The following PIGZ variants were observed in gnomAD, a reference collection of about 807,000 sequenced individuals.
PIGZ encodes phosphatidylinositol glycan anchor biosynthesis class Z (Gwada blood group).
PIGZ carries 16 observed loss-of-function variants against 16.4 expected under a neutral mutation model. The ratio of observed to expected loss-of-function variants is 0.97; its 90% CI spans 0.66 to 1.48. The LOEUF (loss-of-function observed/expected upper bound fraction) is 1.48, where lower values mean the gene tolerates loss of function less well. Among genes scored for constraint, PIGZ ranks in the 40% most tolerant of loss-of-function variants. The pLI is 0.00. For synonymous variants in PIGZ, 409 were observed against 338.4 expected (o/e 1.21, Z -2.29); for missense variants, 770 against 739.2 (o/e 1.04, Z -0.48).
chr3:196,947,274 T>G lies in PIGZ; in HGVS notation c.1623A>C (p.Glu541Asp), dbSNP rs755983849. The stretch of plus-strand genomic sequence containing the variant: ...GGGTCAGATGGGGAAATAAAAGTGT[T>G]TCATTCTTGAAGGGGAAGCTGCACT... ...VEKCSFPFKN[E>D]TLLFPHLTLE... The change falls in exon 3 of 3, where the codon GAA (glutamate) becomes GAC (aspartate). Residue 541 changes from glutamate to aspartate, a missense_variant. Glu to Asp is a conservative substitution (Grantham distance 45). Transcript: ENST00000412723. The G allele has an allele frequency of 6.2e-7, 1 of 1,614,020 alleles. No individual in the cohort carries two copies. The highest frequency in any genetic ancestry group is 8.5e-7 in the Non-Finnish European group (1 of 1,179,978).
intron 1 of PIGZ, among the ~76,000 whole-genome samples, chr3:196,954,812 A>G (rs1054932181): frequency 1.3e-5 from 2 of 152,222 alleles, no homozygotes; most frequent in African/African-American, 4.8e-5. Flanking sequence ...TTAATTTTTA[A>G]TGGTCATTTT....
intron 1 of PIGZ, among the ~76,000 whole-genome samples, chr3:196,959,310 C>G (rs748182695): frequency 3.3e-5 from 5 of 152,192 alleles, no homozygotes; most frequent in Non-Finnish European, 4.4e-5. Context: ...AGTTTTGTCT[C>G]TATAAGGGAT....
chr3:196,953,208 T>A (rs1166354873), intron 1 of PIGZ, among the ~76,000 whole-genome samples: 1 of 152,222 alleles, frequency 6.6e-6, no homozygotes, highest in Non-Finnish European at 1.5e-5. Flanking sequence ...GGTCTAAATA[T>A]GACATTTGCT....
At chr3:196,948,708 G>A (rs901263236) in intron 2 of PIGZ, 23 bp from the exon 3 acceptor site, 12 of 1,437,476 alleles carry the variant, frequency 8.3e-6, no homozygotes, top group Non-Finnish European at 1.1e-5. Context: ...GCAGAGGTGA[G>A]CCAGTACCAA....
At chr3:196,948,882 TTCCTTCC>T (rs1717087871) in intron 2 of PIGZ, among the ~76,000 whole-genome samples, 197 bp from the exon 3 acceptor site, 3 of 26,502 alleles carry the variant, frequency 1.1e-4, no homozygotes, top group South Asian at 1.1e-3. Context: ...CTTCCTTCCC[TTCCTTCC>T]CCTTCCTTCC....
chr3:196,948,728 T>G, intron 2 of PIGZ, 43 bp from the exon 3 acceptor site: 1 of 1,399,900 alleles, frequency 7.1e-7, no homozygotes, highest in South Asian at 1.6e-5. Flanking sequence ...AGCTCAGGGA[T>G]GTAGTGGGCA....
At position 196,946,909 on chromosome 3, in the gene PIGZ, C is replaced by T. The variant is rs952475227; in HGVS notation, c.*248G>A. The T allele has an allele frequency of 6.7e-5, 30 of 445,926 alleles. No homozygotes were observed. The highest frequency in any genetic ancestry group is 5.7e-4 in the Middle Eastern group (1 of 1,768). The allele number at this position is 445,926 out of a possible 1,614,324, so 27.6% of individuals were successfully genotyped here. On this transcript the variant is annotated 3_prime_UTR_variant, in exon 3 of 3. Coordinates refer to ENST00000412723, the MANE Select transcript of PIGZ (RefSeq NM_025163.4). ...CAACAGGGCAGGAACAGACAGGTGT[C>T]GTCACTTAACCTGGTCTTTGGGGAC...
At chr3:196,955,930 T>C (rs1306809878) in intron 1 of PIGZ, among the ~76,000 whole-genome samples, 2 of 152,124 alleles carry the variant, frequency 1.3e-5, no homozygotes, top group African/African-American at 4.8e-5. Flanking sequence ...TTTTGTGTTT[T>C]CTTGTCTTGT....
At position 196,948,322 on chromosome 3, in the gene PIGZ, A is replaced by G. The variant is rs1577879137; in HGVS notation, c.575T>C (p.Val192Ala). 1.9e-6 allele frequency: 3 copies of G among 1,614,122 alleles called. No homozygotes were observed. Among genetic ancestry groups the G allele is most frequent in the Non-Finnish European group, 2.5e-6 (3 of 1,180,018 alleles). Reference sequence around the variant, plus strand: ...AGGGCCCCACGTTACATGGGAGGATACCAGCACCAGCAGCCACGTGAAGAG... The same window carrying G: ...AGGGCCCCACGTTACATGGGAGGATGCCAGCACCAGCAGCCACGTGAAGAG... ...GLLFTWLLVL[V>A]SSHVTWGPTR... Residue 192 changes from valine (V) to alanine (A), a missense_variant, in exon 3 of 3, where the codon GTA becomes GCA. Transcript: ENST00000412723.
chr3:196,947,801 G>A lies in PIGZ; in HGVS notation c.1096C>T (p.Pro366Ser). ...ALGARSLLSS[P>S]RSYLLLLYFM... The stretch of plus-strand genomic sequence containing the variant: ...TAGAGGAGAAGGAGATAGGACCTGG[G>A]GCTGGACAGCAGGCTCCGGGCACCC... Residue 366 changes from proline (P) to serine (S), a missense_variant, in exon 3 of 3, where the codon CCC (proline) becomes TCC (serine). By Grantham distance (74) the Pro-to-Ser change is moderately conservative. Coordinates refer to ENST00000412723, the MANE Select transcript of PIGZ (RefSeq NM_025163.4). 1 of 1,608,454 alleles carries A rather than the reference G, an allele frequency of 6.2e-7. No homozygotes were observed. Among genetic ancestry groups the A allele is most frequent in the Non-Finnish European group, 8.5e-7 (1 of 1,176,440 alleles).
intron 2 of PIGZ, among the ~76,000 whole-genome samples, chr3:196,949,008 T>TCCC (rs1253214476): frequency 4.9e-5 from 1 of 20,254 alleles, no homozygotes. Context: ...TTACTTCTCT[T>TCCC]TCCCTCCCCT....
At position 196,956,357 on chromosome 3, in the gene PIGZ, G is replaced by A. The variant is rs1717487106; in HGVS notation, c.1-4326C>T. On this transcript the variant is annotated intron_variant, in intron 1 of 2. Coordinates refer to ENST00000412723, the MANE Select transcript of PIGZ (RefSeq NM_025163.4). ...CAAAGGCACGTCTTACATGGCAGCA[G>A]GCAAAAAGCGAATGAGAAGCAAACG... 1.3e-5 allele frequency among the ~76,000 whole-genome samples: 2 copies of A among 152,134 alleles called. 1 individual carries two copies.
At chr3:196,967,632 T>C (rs1033043265) in intron 1 of PIGZ, among the ~76,000 whole-genome samples, 1 of 152,154 alleles carries the variant, frequency 6.6e-6, no homozygotes. Flanking sequence ...TCCATTTGCC[T>C]TTTGGTGCCG....
At chr3:196,953,508 A>G (rs1717368715) in intron 1 of PIGZ, among the ~76,000 whole-genome samples, 1 of 152,354 alleles carries the variant, frequency 6.6e-6, no homozygotes, top group Admixed American at 6.5e-5. Context: ...CAACTCAAAT[A>G]TAGTATTAAC....
intron 1 of PIGZ, among the ~76,000 whole-genome samples, chr3:196,966,094 G>A (rs1239964568): frequency 6.6e-6 from 1 of 152,122 alleles, no homozygotes; most frequent in Non-Finnish European, 1.5e-5. Flanking sequence ...GAAACATCAC[G>A]CCTTTCTGCA....
chr3:196,968,134 C>A (rs1577904424), intron 1 of PIGZ, among the ~76,000 whole-genome samples: 1 of 152,294 alleles, frequency 6.6e-6, no homozygotes, highest in East Asian at 1.9e-4. Context: ...TTTGCGCGCC[C>A]CCATGCCACC....
intron 1 of PIGZ, among the ~76,000 whole-genome samples, chr3:196,956,251 T>G (rs997373367): frequency 1.3e-5 from 2 of 152,156 alleles, no homozygotes; most frequent in Non-Finnish European, 2.9e-5. Context: ...TACCCGAAAC[T>G]GGGTAATTTA....
rs1164260365 is a variant in PIGZ at position 196,947,967 on chromosome 3, G to A, written c.930C>T (p.Gly310=). The A allele has an allele frequency of 3.1e-6, 5 of 1,609,372 alleles. No homozygotes were observed. Among genetic ancestry groups the A allele is most frequent in the South Asian group, 1.1e-5 (1 of 90,710 alleles). ...NLNPQNLARH[G]THARLTHLAV... ...CCAGGTGAGTGAGCCGCGCGTGCGT[G>A]CCATGTCTCGCCAGGTTTTGGGGAT... Residue 310 remains glycine (G), a synonymous_variant, in exon 3 of 3, where the codon GGC becomes GGT. Coordinates refer to ENST00000412723, the MANE Select transcript of PIGZ (RefSeq NM_025163.4).
chr3:196,948,185 G>A lies in PIGZ; in HGVS notation c.712C>T (p.Leu238Phe), dbSNP rs1413108216. Residue 238 changes from leucine (L) to phenylalanine (F), a missense_variant, in exon 3 of 3, where the codon CTC (leucine) becomes TTC (phenylalanine). Physicochemically the swap from Leu to Phe is conservative, Grantham distance 22. Coordinates refer to ENST00000412723, the MANE Select transcript of PIGZ (RefSeq NM_025163.4). ...GCTCCACGAGTGCCCCAGAGGTAGA[G>A]GGGGACCACAGCAAAGGCCAGAAAG... ...PTFLAFAVVP[L>F]YLWGTRGATN... The A allele has an allele frequency of 6.2e-7, 1 of 1,613,982 alleles. No homozygotes were observed.
Sources: gnomAD v4.1 joint callset for allele counts (sites outside exome capture counted in the v4.1 genomes callset) on GRCh38, gnomAD v4.1.1 for gene constraint, MANE v1.5 for transcripts, NCBI Gene and HGNC (gene_info 2026-07-23, HGNC 2026-07-21) for gene names.